Variants in FSTL4 observed in about 807,000 individuals in gnomAD.
The protein encoded by FSTL4 is follistatin-related protein 4.
In FSTL4, 28 loss-of-function variants were observed where a neutral mutation model predicts 78.2. The ratio of observed to expected loss-of-function variants is 0.36; its 90% CI spans 0.27 to 0.49. FSTL4 has a LOEUF of 0.49. FSTL4 is among the 20% of genes least tolerant of loss of function. The pLI is 0.98. For synonymous variants in FSTL4, 422 were observed against 440.5 expected (o/e 0.96, Z 0.53); for missense variants, 922 against 1,084.9 (o/e 0.85, Z 2.11).
At chr5:133,646,460 G>A in the FSTL4 span, among the ~76,000 whole-genome samples, 10 of 152,178 alleles carry the variant, frequency 6.6e-5, no homozygotes, top group South Asian at 2.1e-4. Context: ...AGAAGACTTC[G>A]GATGGTTGAG....
In FSTL4 at chr5:133,473,465, C is replaced by T. The variant is rs1366122778; in HGVS notation, c.161-72479G>A. On this transcript the variant is annotated intron_variant, in intron 3 of 15. Transcript: ENST00000265342. Reference sequence around the variant, plus strand: ...ACCCCGTAACCACTTCGACAGCCATCAGCACACGCTGCAGCACCACACATG... The same window carrying T: ...ACCCCGTAACCACTTCGACAGCCATTAGCACACGCTGCAGCACCACACATG... 2.0e-5 allele frequency among the ~76,000 whole-genome samples: 3 copies of T among 152,194 alleles called. No individual in the cohort carries two copies. The East Asian group carries it at 5.8e-4, about 29-fold the overall frequency.
chr5:133,291,946 C>T (rs1001914066), intron 6 of FSTL4, among the ~76,000 whole-genome samples: 1 of 152,190 alleles, frequency 6.6e-6, no homozygotes, highest in African/African-American at 2.4e-5. Context: ...CAGACCTAAG[C>T]CTTGAACACT....
intron 2 of FSTL4, among the ~76,000 whole-genome samples, chr5:133,573,141 G>A (rs1477218890): frequency 6.6e-6 from 1 of 152,086 alleles, no homozygotes; most frequent in African/African-American, 2.4e-5. Flanking sequence ...CTACTTGGGA[G>A]GCTGAGGCAG....
chr5:133,548,504 C>CA (rs200957104), intron 3 of FSTL4, among the ~76,000 whole-genome samples: 16 of 150,170 alleles, frequency 1.1e-4, no homozygotes, highest in South Asian at 6.3e-4. Flanking sequence ...AGGGAGAAAC[C>CA]AAAAAAAAAT....
In FSTL4 at chr5:133,233,319, T is replaced by C. The variant is rs575747348; in HGVS notation, c.1015+98A>G. On this transcript the variant is annotated intron_variant, in intron 8 of 15. Transcript: ENST00000265342. ...ATGATATATTTTGGGGTTAGATATT[T>C]CTTTAAGAAGACAGAATACAGGAGG... is the stretch of plus-strand genomic sequence containing the variant. 26 of 1,339,026 alleles carry C rather than the reference T, an allele frequency of 1.9e-5. No homozygotes were observed. In the South Asian group the frequency reaches 3.3e-4, roughly 17 times the overall value. 82.9% of individuals were successfully genotyped at this position (1,339,026 alleles called of 1,614,324 possible). A position where few individuals can be genotyped will look rare whatever the true frequency, so the allele number is the denominator to read the frequency against.
intron 4 of FSTL4, among the ~76,000 whole-genome samples, chr5:133,362,254 C>T (rs145174532): frequency 1.6e-3 from 248 of 152,298 alleles, no homozygotes; most frequent in African/African-American, 5.6e-3. Flanking sequence ...TAATATTTTA[C>T]TACAAATTAC....
At chr5:133,822,798 A>C in the FSTL4 span, among the ~76,000 whole-genome samples, 4 of 152,230 alleles carry the variant, frequency 2.6e-5, no homozygotes, top group Non-Finnish European at 2.9e-5. Context: ...AAGGAAGCCC[A>C]AAACCAAAAA....
the FSTL4 span, among the ~76,000 whole-genome samples, chr5:133,760,979 A>G: frequency 6.6e-6 from 1 of 152,294 alleles, no homozygotes; most frequent in South Asian, 2.1e-4. Flanking sequence ...TGGGCCCAGC[A>G]TGGCGGAAGC....
chr5:133,581,175 G>T (rs991342844), intron 2 of FSTL4, among the ~76,000 whole-genome samples: 1 of 152,138 alleles, frequency 6.6e-6, no homozygotes, highest in African/African-American at 2.4e-5. Flanking sequence ...AATTAAAAAG[G>T]CTTTAAGGCA....
intron 4 of FSTL4, among the ~76,000 whole-genome samples, chr5:133,320,712 A>G (rs1419219775): frequency 6.6e-6 from 1 of 152,040 alleles, no homozygotes; most frequent in Non-Finnish European, 1.5e-5. Context: ...TATTCTTCTC[A>G]AATTCCAATC....
chr5:133,379,133 T>C (rs955980082), intron 4 of FSTL4, among the ~76,000 whole-genome samples: 1 of 152,082 alleles, frequency 6.6e-6, no homozygotes, highest in Non-Finnish European at 1.5e-5. Flanking sequence ...TTAACTTTAA[T>C]ATAAAACAAT....
chr5:133,251,962 G>A (rs1752258856), intron 6 of FSTL4, among the ~76,000 whole-genome samples: 1 of 152,156 alleles, frequency 6.6e-6, no homozygotes, highest in South Asian at 2.1e-4. Context: ...TCAGCTTCAA[G>A]TGACCTCAGA....
intron 4 of FSTL4, among the ~76,000 whole-genome samples, chr5:133,374,042 G>A (rs1248235173): frequency 1.3e-5 from 2 of 152,176 alleles, no homozygotes; most frequent in African/African-American, 4.8e-5. Flanking sequence ...CCCTTGGGCA[G>A]GGAAACCCTG....
chr5:133,217,632 C>T lies in FSTL4; in HGVS notation c.1459-254G>A, dbSNP rs561845640. Among the ~76,000 whole-genome samples, 59 of 152,258 alleles carry T rather than the reference C, an allele frequency of 3.9e-4. No homozygotes were observed. The South Asian group carries it at 0.011, about 28-fold the overall frequency. ...CCAGGTTCATGTTCTTCTATTCTTA[C>T]GCTATCTTCTCCCTCTCCTCATCTT... On this transcript the variant is annotated intron_variant, in intron 12 of 15. Coordinates refer to ENST00000265342, the MANE Select transcript of FSTL4 (RefSeq NM_015082.2).
chr5:133,304,358 T>C (rs1373194226), intron 6 of FSTL4, among the ~76,000 whole-genome samples: 1 of 152,154 alleles, frequency 6.6e-6, no homozygotes, highest in African/African-American at 2.4e-5. Context: ...CTGGGCTGTG[T>C]GACACATGAA....
chr5:133,689,023 T>C, the FSTL4 span, among the ~76,000 whole-genome samples: 4,072 of 152,194 alleles, frequency 0.027, 187 homozygotes, highest in African/African-American at 0.094. Context: ...GCTAAGACTC[T>C]GGTGTCATTG....
chr5:133,297,687 G>C (rs949176996), intron 6 of FSTL4, among the ~76,000 whole-genome samples: 1 of 152,220 alleles, frequency 6.6e-6, no homozygotes, highest in Non-Finnish European at 1.5e-5. Flanking sequence ...CTGTGCACCT[G>C]ACTGGCCCCA....
chr5:133,840,860 G>A, the FSTL4 span, among the ~76,000 whole-genome samples: 1 of 152,212 alleles, frequency 6.6e-6, no homozygotes, highest in African/African-American at 2.4e-5. Context: ...TTCCAAAATA[G>A]CACACAAAGA....
At chr5:133,474,716 C>G (rs1757893676) in intron 3 of FSTL4, among the ~76,000 whole-genome samples, 1 of 152,126 alleles carries the variant, frequency 6.6e-6, no homozygotes, top group Non-Finnish European at 1.5e-5. Context: ...ACTCCGAGCA[C>G]CAGGGTCAGT....
Sources: gnomAD v4.1 joint callset for allele counts (sites outside exome capture counted in the v4.1 genomes callset) on GRCh38, gnomAD v4.1.1 for gene constraint, MANE v1.5 for transcripts, NCBI Gene and HGNC (gene_info 2026-07-23, HGNC 2026-07-21) for gene names.